Variants in TMEM201 observed in about 807,000 individuals in gnomAD.
The protein encoded by TMEM201 is transmembrane protein 201.
Under a neutral mutation model 63.4 loss-of-function variants are expected in TMEM201, and 26 were observed. The ratio of observed to expected loss-of-function variants is 0.41; its 90% confidence interval spans 0.30 to 0.57. TMEM201 has a LOEUF of 0.57. Among genes scored for constraint, TMEM201 ranks in the 20% least tolerant of loss-of-function variants. The probability of loss-of-function intolerance (pLI) is 0.29; values close to 1 mark genes in which losing one functional copy is unlikely to be tolerated. For synonymous variants in TMEM201, 417 were observed against 421.6 expected, an observed-to-expected ratio of 0.99 and a Z score of 0.14; for missense variants, 794 against 917.7, an observed-to-expected ratio of 0.87 and a Z score of 1.74.
At chr1:9,606,982 C>T (rs1644254449) in intron 6 of TMEM201, among the ~76,000 whole-genome samples, 1 of 152,166 alleles carries the variant, frequency 6.6e-6, no homozygotes, top group African/African-American at 2.4e-5. Flanking sequence ...GGCCAGAGAG[C>T]AGGAGGCAGC....
In TMEM201 at chr1:9,607,578, C is replaced by T. The variant is rs373934656; in HGVS notation, c.1182C>T (p.Ala394=). The T allele has an allele frequency of 2.4e-5, 37 of 1,550,432 alleles. No individual in the cohort carries two copies. Among genetic ancestry groups the T allele is most frequent in the South Asian group, 1.7e-4 (14 of 83,884 alleles). Reference sequence around the variant, plus strand: ...GCAGGTTCTTCCCAGGAGACTCTGCCGGCCTTTTCCCCACCAGCCCCAGCT... The same window carrying T: ...GCAGGTTCTTCCCAGGAGACTCTGCTGGCCTTTTCCCCACCAGCCCCAGCT... ...RPRRFFPGDS[A]GLFPTSPSLA... is the part of the protein sequence containing the mutation. Residue 394 remains alanine (A), a synonymous_variant, in exon 7 of 11, where the codon GCC becomes GCT. Coordinates refer to ENST00000340381, the MANE Select transcript of TMEM201 (RefSeq NM_001130924.3). The surrounding 1 kb of genome is among the most constrained non-coding windows in gnomAD (Gnocchi z 5.4).
rs989375850 is a variant in TMEM201, at chr1:9,603,434, C to T, written c.1160+1162C>T. On this transcript the variant is annotated intron_variant, in intron 6 of 10. Transcript: ENST00000340381. The surrounding 1 kb of genome is among the most constrained non-coding windows in gnomAD (Gnocchi z 4.5). Reference sequence around the variant, plus strand: ...GGGGGCTTTATCCAGGGGTCCCAGTCGAGAGTGGCCCGAGGCCGTCCCTCA... The same window carrying T: ...GGGGGCTTTATCCAGGGGTCCCAGTTGAGAGTGGCCCGAGGCCGTCCCTCA... The T allele has an allele frequency of 5.1e-6, 5 of 985,380 alleles. No individual in the cohort carries two copies. The African/African-American group carries it at 7.0e-5, about 14-fold the overall frequency. The allele number at this position is 985,380 out of a possible 1,614,324, so 61.0% of individuals were successfully genotyped here. A position where few individuals can be genotyped will look rare whatever the true frequency, so the allele number is the denominator to read the frequency against.
At position 9,604,154 on chromosome 1, in the gene TMEM201, C is replaced by G; in HGVS notation, c.1160+1882C>G. On this transcript the variant is annotated intron_variant, in intron 6 of 10. Transcript: ENST00000340381. The surrounding 1 kb of genome is among the most constrained non-coding windows in gnomAD (Gnocchi z 4.1). The stretch of plus-strand genomic sequence containing the variant: ...GCTTGCGTCTCGAATCTTCGGTTCT[C>G]GAGGAAGTGTTGACAGTGTGATGCT... 1 of 985,390 alleles carries G rather than the reference C, an allele frequency of 1.0e-6. No homozygotes were observed. Among genetic ancestry groups the G allele is most frequent in the Non-Finnish European group, 1.2e-6 (1 of 829,932 alleles). 61.0% of individuals were successfully genotyped at this position (985,390 alleles called of 1,614,324 possible).
At position 9,610,412 on chromosome 1, in the gene TMEM201, G is replaced by A. The variant is rs1215321660; in HGVS notation, c.1466-94G>A. 2.4e-6 allele frequency: 3 copies of A among 1,257,436 alleles called. No individual in the cohort carries two copies. Among genetic ancestry groups the A allele is most frequent in the East Asian group, 2.6e-5 (1 of 38,912 alleles). 77.9% of individuals were successfully genotyped at this position (1,257,436 alleles called of 1,614,324 possible). A position where few individuals can be genotyped will look rare whatever the true frequency, so the allele number is the denominator to read the frequency against. On this transcript the variant is annotated intron_variant, in intron 8 of 10. Transcript: ENST00000340381. This position sits in a 1 kb window ranked among gnomAD's most constrained non-coding sequence, Gnocchi z 4.9. ...CTCTGCACCTTTCCTGTCTTCCCGG[G>A]TTAATAGAAGAATGCCCCCAGAAAT...
Position 9,609,901 on chromosome 1 carries a change from T to C in TMEM201, c.1455T>C (p.Phe485=). Reference sequence around the variant, plus strand: ...CTCAGGTGTCTCGATCTGGGGAGTTTCCTGTTTCAGGTGAGGAAGACAGAG... The same window carrying C: ...CTCAGGTGTCTCGATCTGGGGAGTTCCCTGTTTCAGGTGAGGAAGACAGAG... ...PPSQVSRSGE[F]PVSDYFSLLS... is the part of the protein sequence containing the mutation. The change falls in exon 8 of 11, where the codon TTT becomes TTC. Residue 485 remains phenylalanine, a synonymous_variant. Coordinates refer to ENST00000340381, the MANE Select transcript of TMEM201 (RefSeq NM_001130924.3). 2 of 1,551,470 alleles carry C rather than the reference T, an allele frequency of 1.3e-6. No homozygotes were observed. Among genetic ancestry groups the C allele is most frequent in the Non-Finnish European group, 1.7e-6 (2 of 1,146,932 alleles).
rs1644270845 is a variant in TMEM201 at position 9,607,919 on chromosome 1, G to T, written c.1393+130G>T. The T allele has an allele frequency of 4.5e-6, 4 of 887,824 alleles. No homozygotes were observed. In the South Asian group the frequency reaches 7.1e-5, roughly 16 times the overall value. The allele number at this position is 887,824 out of a possible 1,614,324, so 55.0% of individuals were successfully genotyped here. A position where few individuals can be genotyped will look rare whatever the true frequency, so the allele number is the denominator to read the frequency against. ...CTGCTGCAGAGACAGGCAGCACAGA[G>T]CTTTGAGCCTCAGTTCCCCCCAAAG... On this transcript the variant is annotated intron_variant, in intron 7 of 10. Coordinates refer to ENST00000340381, the MANE Select transcript of TMEM201 (RefSeq NM_001130924.3). The surrounding 1 kb of genome is among the most constrained non-coding windows in gnomAD (Gnocchi z 5.4).
rs147176142 is a variant in TMEM201 at position 9,595,982 on chromosome 1, A to T, written c.206A>T (p.His69Leu). ...AACCGCAACTGCTGGGACTGTCCCC[A>T]CTGCGAGCAGTACAACGGCTTCCAG... is the stretch of plus-strand genomic sequence containing the variant. ...YGNRNCWDCP[H>L]CEQYNGFQEN... The change falls in exon 2 of 11, where the codon CAC (histidine) becomes CTC (leucine). Residue 69 changes from histidine to leucine, a missense_variant. His to Leu is a moderately conservative substitution (Grantham distance 99, BLOSUM62 -3). Transcript: ENST00000340381. 3.7e-6 allele frequency: 6 copies of T among 1,613,310 alleles called. No individual in the cohort carries two copies. In the African/African-American group the frequency reaches 8.0e-5, roughly 21 times the overall value.
chr1:9,600,795 C>G (rs1456477349), intron 4 of TMEM201, among the ~76,000 whole-genome samples: 1 of 152,138 alleles, frequency 6.6e-6, no homozygotes, highest in Non-Finnish European at 1.5e-5. Context: ...TGGTGGGCGC[C>G]TGTAATCCCA....
intron 6 of TMEM201, 197 bp downstream of exon 6, chr1:9,602,469 C>G (rs962763733): frequency 1.4e-6 from 2 of 1,427,938 alleles, no homozygotes; most frequent in African/African-American, 1.5e-5. Context: ...CTTTTCCTTT[C>G]GGGCACCACC....
intron 10 of TMEM201, among the ~76,000 whole-genome samples, chr1:9,612,309 C>T (rs1021422307): frequency 3.9e-5 from 6 of 152,240 alleles, no homozygotes; most frequent in Admixed American, 2.0e-4. Context: ...ACCGGGACCA[C>T]GTCACGCTGG....
intron 1 of TMEM201, among the ~76,000 whole-genome samples, chr1:9,592,573 T>TA (rs1643939312): frequency 6.7e-6 from 1 of 148,328 alleles, no homozygotes; most frequent in Non-Finnish European, 1.5e-5. Flanking sequence ...GGCTCGCACC[T>TA]AGAACAGAGC....
At chr1:9,611,198 CCT>C in intron 9 of TMEM201, 2 of 457,120 alleles carry the variant, frequency 4.4e-6, no homozygotes, top group Non-Finnish European at 6.4e-6. Context: ...TTGTAGATTT[CCT>C]TTTTTTTTTT....
rs1170715900 is a variant in TMEM201 at position 9,588,965 on chromosome 1, C to T, written c.35C>T (p.Pro12Leu). ...GTGAGCGCGCTGCTGGCCCGCTGCC[C>T]CACGGCCGGCCTGGCCGGCGGCCTG... ...EGVSALLARC[P>L]TAGLAGGLGV... Residue 12 changes from proline (P) to leucine (L), a missense_variant, in exon 1 of 11, where the codon CCC becomes CTC. Pro to Leu is a moderately conservative substitution (Grantham distance 98, BLOSUM62 -3). Coordinates refer to ENST00000340381, the MANE Select transcript of TMEM201 (RefSeq NM_001130924.3). 2 of 1,260,000 alleles carry T rather than the reference C, an allele frequency of 1.6e-6. No individual in the cohort carries two copies. The highest frequency in any genetic ancestry group is 4.6e-5 in the East Asian group (1 of 21,608). The allele number at this position is 1,260,000 out of a possible 1,614,324, so 78.1% of individuals were successfully genotyped here.
Position 9,613,012 on chromosome 1 carries a change from G to C in TMEM201, c.1930G>C (p.Gly644Arg). The C allele has an allele frequency of 6.4e-7, 1 of 1,551,494 alleles. No individual in the cohort carries two copies. Among genetic ancestry groups the C allele is most frequent in the Admixed American group, 2.0e-5 (1 of 51,016 alleles). The change falls in exon 11 of 11, where the codon GGC becomes CGC. Residue 644 changes from glycine (G) to arginine (R), a missense_variant. Transcript: ENST00000340381. ...RGRFGPSLVRGLLAVSLAANA... is the reference protein window; with the variant it reads ...RGRFGPSLVRRLLAVSLAANA... ...TCGTTTCGGCCCTTCCCTGGTCCGG[G>C]GCCTCCTGGCCGTGAGCTTGGCCGC...
intron 2 of TMEM201, among the ~76,000 whole-genome samples, chr1:9,596,342 G>A (rs953982612): frequency 1.3e-5 from 2 of 152,212 alleles, no homozygotes; most frequent in Non-Finnish European, 2.9e-5. Flanking sequence ...ACTATATCAG[G>A]GCTAGCAAAC....
At chr1:9,601,942 C>T (rs1239560663) in intron 5 of TMEM201, 127 bp from the exon 6 acceptor site, 1 of 1,151,660 alleles carries the variant, frequency 8.7e-7, no homozygotes, top group African/African-American at 1.5e-5. Flanking sequence ...GGATTCCGAG[C>T]CCACACTGTC....
intron 1 of TMEM201, among the ~76,000 whole-genome samples, chr1:9,592,054 C>A (rs1361433257): frequency 6.6e-6 from 1 of 152,234 alleles, no homozygotes; most frequent in Non-Finnish European, 1.5e-5. Context: ...CCAGGAGCGA[C>A]CCTAGAATGG....
rs765479397 is a variant in TMEM201 at position 9,602,179 on chromosome 1, A to G, written c.1067A>G (p.Lys356Arg). The change falls in exon 6 of 11, where the codon AAG becomes AGG. Residue 356 changes from lysine to arginine, a missense_variant. Coordinates refer to ENST00000340381, the MANE Select transcript of TMEM201 (RefSeq NM_001130924.3). Reference sequence around the variant, plus strand: ...TCGCCTAGCTGGCTAGACACGCTCAAGTTCAGCACCACATCTTTGTGCTGC... The same window carrying G: ...TCGCCTAGCTGGCTAGACACGCTCAGGTTCAGCACCACATCTTTGTGCTGC... The part of the protein sequence containing the change: ...AASPSWLDTL[K>R]FSTTSLCCLV... The G allele has an allele frequency of 2.5e-6, 4 of 1,613,200 alleles. No homozygotes were observed. Among genetic ancestry groups the G allele is most frequent in the East Asian group, 2.2e-5 (1 of 44,880 alleles).
rs61783004 is a variant in TMEM201 at position 9,610,446 on chromosome 1, G to A, written c.1466-60G>A. On this transcript the variant is annotated intron_variant, in intron 8 of 10. Coordinates refer to ENST00000340381, the MANE Select transcript of TMEM201 (RefSeq NM_001130924.3). This position sits in a 1 kb window ranked among gnomAD's most constrained non-coding sequence, Gnocchi z 4.9. ...AGAATGCCCCCAGAAATGAAATAGC[G>A]CATTGTAGCGTTGCAGTGACAGGAG... 18 of 1,399,830 alleles carry A rather than the reference G, an allele frequency of 1.3e-5. No individual in the cohort carries two copies. The highest frequency in any genetic ancestry group is 1.0e-4 in the African/African-American group (7 of 69,386). The allele number at this position is 1,399,830 out of a possible 1,614,324, so 86.7% of individuals were successfully genotyped here. A position where few individuals can be genotyped will look rare whatever the true frequency, so the allele number is the denominator to read the frequency against.
Sources: allele counts gnomAD v4.1 joint callset (sites outside exome capture counted in the v4.1 genomes callset), GRCh38; gene constraint gnomAD v4.1.1; non-coding constraint Gnocchi (gnomAD v3.1); transcripts MANE v1.5; gene names NCBI Gene and HGNC (gene_info 2026-07-23, HGNC 2026-07-21).